LRRTM4: variants seen among roughly 807,000 people sequenced by gnomAD.
The protein encoded by LRRTM4 is leucine-rich repeat transmembrane neuronal protein 4.
LRRTM4 carries 25 observed loss-of-function variants against 47.6 expected under a neutral mutation model. That is an observed-to-expected ratio of 0.53 (90% confidence interval 0.38 to 0.73). The LOEUF (loss-of-function observed/expected upper bound fraction) is 0.73. Ranked by LOEUF, LRRTM4 falls within the 30% of genes least tolerant of loss-of-function variation. The pLI is 0.00. For synonymous variants in LRRTM4, 311 were observed against 269.5 expected, an observed-to-expected ratio of 1.15 and a Z score of -1.51; for missense variants, 638 against 713.4, an observed-to-expected ratio of 0.89 and a Z score of 1.20.
chr2:77,377,035 A>T (rs1166692544), intron 3 of LRRTM4, among the ~76,000 whole-genome samples: 1 of 151,904 alleles, frequency 6.6e-6, no homozygotes. Flanking sequence ...TTATATTATG[A>T]GTGATGATAT....
At chr2:77,345,293 G>A (rs897495133) in intron 3 of LRRTM4, among the ~76,000 whole-genome samples, 4 of 151,680 alleles carry the variant, frequency 2.6e-5, no homozygotes, top group African/African-American at 9.7e-5. Context: ...TTTAAAATTG[G>A]TAAACGGGAT....
chr2:77,070,215 T>G (rs187309000), intron 3 of LRRTM4, among the ~76,000 whole-genome samples: 203 of 152,176 alleles, frequency 1.3e-3, no homozygotes, highest in African/African-American at 4.7e-3. Flanking sequence ...TCATGCTTCT[T>G]ACAGAGGCTC....
chr2:77,418,275 C>T (rs1314873223), intron 3 of LRRTM4, among the ~76,000 whole-genome samples: 2 of 152,108 alleles, frequency 1.3e-5, no homozygotes. Flanking sequence ...TTCCTGATGA[C>T]TTCTAAAAAT....
At chr2:77,270,230 A>C (rs1558661955) in intron 3 of LRRTM4, among the ~76,000 whole-genome samples, 1 of 152,200 alleles carries the variant, frequency 6.6e-6, no homozygotes, top group Non-Finnish European at 1.5e-5. Context: ...AGTGACCTAG[A>C]AAATTGAAAA....
chr2:77,503,997 T>G (rs556287912), intron 3 of LRRTM4, among the ~76,000 whole-genome samples: 1 of 151,512 alleles, frequency 6.6e-6, no homozygotes, highest in Admixed American at 6.6e-5. Context: ...TGGAGAAAAG[T>G]AGACTGGGGT....
At chr2:76,848,826 G>T (rs1012166947) in intron 3 of LRRTM4, among the ~76,000 whole-genome samples, 5 of 152,120 alleles carry the variant, frequency 3.3e-5, no homozygotes, top group African/African-American at 4.8e-5. Flanking sequence ...TTTGGAACAA[G>T]AATTTACATG....
intron 3 of LRRTM4, among the ~76,000 whole-genome samples, chr2:76,876,649 T>G (rs1672787791): frequency 6.6e-6 from 1 of 152,052 alleles, no homozygotes; most frequent in Non-Finnish European, 1.5e-5. Flanking sequence ...ACTTCTTTCT[T>G]GCTTCTTCCC....
chr2:76,985,567 G>C (rs1676765652), intron 3 of LRRTM4, among the ~76,000 whole-genome samples: 1 of 151,906 alleles, frequency 6.6e-6, no homozygotes, highest in Non-Finnish European at 1.5e-5. Context: ...TGAGACTAAA[G>C]TTGCTAGCTG....
chr2:77,366,733 C>A (rs1175583718), intron 3 of LRRTM4, among the ~76,000 whole-genome samples: 1 of 151,808 alleles, frequency 6.6e-6, no homozygotes, highest in Non-Finnish European at 1.5e-5. Context: ...GTTTACCTCA[C>A]ACATTTACAA....
At chr2:77,129,666 G>A (rs1366270312) in intron 3 of LRRTM4, among the ~76,000 whole-genome samples, 2 of 152,174 alleles carry the variant, frequency 1.3e-5, no homozygotes, top group African/African-American at 4.8e-5. Context: ...GGTCTCAGAT[G>A]CTTTATCTAT....
chr2:77,410,674 C>A (rs1028871180), intron 3 of LRRTM4, among the ~76,000 whole-genome samples: 1 of 152,120 alleles, frequency 6.6e-6, no homozygotes, highest in Non-Finnish European at 1.5e-5. Context: ...TATTGGAAAT[C>A]AACACTATTT....
chr2:76,779,943 G>T (rs551592770), intron 3 of LRRTM4, among the ~76,000 whole-genome samples: 16 of 151,856 alleles, frequency 1.1e-4, no homozygotes, highest in South Asian at 2.1e-4. Flanking sequence ...AGGAGCTCTT[G>T]TAAGGCAGGC....
chr2:77,296,962 C>A (rs991526537), intron 3 of LRRTM4, among the ~76,000 whole-genome samples: 1 of 152,198 alleles, frequency 6.6e-6, no homozygotes, highest in African/African-American at 2.4e-5. Context: ...GAGATCTAGG[C>A]TCAGCACAGG....
chr2:76,973,628 C>T (rs2103946650), intron 3 of LRRTM4, among the ~76,000 whole-genome samples: 1 of 152,008 alleles, frequency 6.6e-6, no homozygotes, highest in South Asian at 2.1e-4. Flanking sequence ...CTAATATATA[C>T]TTTTGACGGT....
intron 3 of LRRTM4, among the ~76,000 whole-genome samples, chr2:77,337,625 AG>A: frequency 6.6e-6 from 1 of 152,166 alleles, no homozygotes; most frequent in South Asian, 2.1e-4. Context: ...CACCTTGTGA[AG>A]AAGGTACTTG....
Position 77,522,281 on chromosome 2 carries a change from GT to G in LRRTM4, c.-321del. 1 of 557,176 alleles carries G rather than the reference GT, an allele frequency of 1.8e-6. No homozygotes were observed. The highest frequency in any genetic ancestry group is 3.1e-5 in the East Asian group (1 of 32,746). 34.5% of individuals were successfully genotyped at this position (557,176 alleles called of 1,614,324 possible). A position where few individuals can be genotyped will look rare whatever the true frequency, so the allele number is the denominator to read the frequency against. On this transcript the variant is annotated 5_prime_UTR_variant, in exon 1 of 4. Transcript: ENST00000409884. ...GTCAGGTTTAAAGTGTTTTGTAGCT[GT>G]GCTGGGAGGCAGCCCTTGTCTAATT...
intron 3 of LRRTM4, among the ~76,000 whole-genome samples, chr2:77,063,495 G>A (rs1679858837): frequency 6.6e-6 from 1 of 152,068 alleles, no homozygotes; most frequent in Admixed American, 6.6e-5. Flanking sequence ...AATACATGAA[G>A]TAGAAAAATA....
chr2:77,522,153 C>T lies in LRRTM4; in HGVS notation c.-192G>A. 1.4e-6 allele frequency: 1 copy of T among 715,420 alleles called. No individual in the cohort carries two copies. Among genetic ancestry groups the T allele is most frequent in the Non-Finnish European group, 2.6e-6 (1 of 383,850 alleles). 44.3% of individuals were successfully genotyped at this position (715,420 alleles called of 1,614,324 possible). ...TGGCTTTTGCCATTCCCAGATAAAGCAATTCATCCTCTGGATTTTCAGTTC... is the reference window on the plus strand; with the variant it reads ...TGGCTTTTGCCATTCCCAGATAAAGTAATTCATCCTCTGGATTTTCAGTTC... On this transcript the variant is annotated 5_prime_UTR_variant, in exon 1 of 4. Coordinates refer to ENST00000409884, the MANE Select transcript of LRRTM4 (RefSeq NM_001134745.3).
chr2:76,940,620 T>A (rs904894171), intron 3 of LRRTM4, among the ~76,000 whole-genome samples: 1 of 152,290 alleles, frequency 6.6e-6, no homozygotes, highest in East Asian at 1.9e-4. Context: ...AACAGGCACA[T>A]GTACCCCTGA....
Sources: allele counts gnomAD v4.1 joint callset (sites outside exome capture counted in the v4.1 genomes callset), GRCh38; gene constraint gnomAD v4.1.1; transcripts MANE v1.5; gene names NCBI Gene and HGNC (gene_info 2026-07-23, HGNC 2026-07-21).